NRXN3: variants seen among roughly 807,000 people sequenced by gnomAD.
NRXN3 encodes neurexin III.
Under a neutral mutation model 137.6 loss-of-function variants are expected in NRXN3, and 32 were observed. That is an observed-to-expected ratio of 0.23 (90% CI 0.18 to 0.31). The LOEUF (loss-of-function observed/expected upper bound fraction) is 0.31. Ranked by LOEUF, NRXN3 falls within the 10% of genes least tolerant of loss-of-function variation. The pLI, the probability that NRXN3 is intolerant of heterozygous loss-of-function variation, is 1.00. For missense variants in NRXN3, 1,574 were observed against 2,062.5 expected (o/e 0.76, Z 4.59); for synonymous variants, 798 against 784.5 (o/e 1.02, Z -0.29).
intron 20 of NRXN3, among the ~76,000 whole-genome samples, chr14:79,859,110 G>C (rs1212834577): frequency 2.0e-5 from 3 of 152,030 alleles, no homozygotes; most frequent in Non-Finnish European, 2.9e-5. Context: ...CTTAGGTTTA[G>C]AGCACATACT....
intron 15 of NRXN3, among the ~76,000 whole-genome samples, chr14:79,041,947 G>T (rs2099625713): frequency 2.0e-5 from 3 of 152,018 alleles, no homozygotes; most frequent in Non-Finnish European, 4.4e-5. Context: ...GAAGAATAGT[G>T]AACAACTAAA....
intron 15 of NRXN3, among the ~76,000 whole-genome samples, chr14:79,328,246 T>A (rs1288619741): frequency 6.6e-6 from 1 of 152,168 alleles, no homozygotes; most frequent in Non-Finnish European, 1.5e-5. Context: ...TCAAATGAAA[T>A]ACACAAATTT....
intron 15 of NRXN3, among the ~76,000 whole-genome samples, chr14:79,120,871 G>A (rs2055293780): frequency 6.6e-6 from 1 of 152,144 alleles, no homozygotes; most frequent in South Asian, 2.1e-4. Flanking sequence ...ACAAGTAGGA[G>A]ATATTTTGCT....
intron 10 of NRXN3, among the ~76,000 whole-genome samples, chr14:78,824,595 T>C (rs375650118): frequency 8.6e-4 from 131 of 152,276 alleles, no homozygotes; most frequent in African/African-American, 3.0e-3. Flanking sequence ...GACAGAAATC[T>C]CAGCAGATCA....
intron 8 of NRXN3, among the ~76,000 whole-genome samples, chr14:78,721,958 G>A (rs2098462242): frequency 6.6e-6 from 1 of 150,776 alleles, no homozygotes. Context: ...TTAACTTCCG[G>A]TTCTGCAAGT....
At chr14:78,460,172 G>C (rs1422857794) in intron 4 of NRXN3, among the ~76,000 whole-genome samples, 2 of 152,192 alleles carry the variant, frequency 1.3e-5, no homozygotes, top group African/African-American at 4.8e-5. Flanking sequence ...GAGGGGTTTG[G>C]CGCTTCCATG....
At position 78,201,014 on chromosome 14, in the gene NRXN3, G is replaced by T. The variant is rs182853516; in HGVS notation, c.-704+30340G>T. Among the ~76,000 whole-genome samples the T allele has an allele frequency of 3.0e-3, 452 of 152,280 alleles. 5 individuals carry two copies. Among genetic ancestry groups the T allele is most frequent in the African/African-American group, 0.01 (428 of 41,544 alleles). On this transcript the variant is annotated intron_variant, in intron 1 of 20. Transcript: ENST00000335750. ...GAGGCTGGATTTGGAGCTCTTGAAG[G>T]TCCCTCCTCGGGGTGACACTCCATG...
chr14:79,640,384 T>G (rs2098426391), intron 16 of NRXN3, among the ~76,000 whole-genome samples: 1 of 135,764 alleles, frequency 7.4e-6, no homozygotes, highest in African/African-American at 2.5e-5. Flanking sequence ...AGATAAGGTT[T>G]TTGCTCAAAC....
At chr14:78,621,939 A>G (rs1232766109) in intron 4 of NRXN3, among the ~76,000 whole-genome samples, 2 of 152,184 alleles carry the variant, frequency 1.3e-5, no homozygotes, top group Non-Finnish European at 2.9e-5. Flanking sequence ...ATTAGTACCT[A>G]TTAGTACCTT....
At chr14:78,916,896 G>T (rs368631121) in intron 10 of NRXN3, among the ~76,000 whole-genome samples, 11 of 152,164 alleles carry the variant, frequency 7.2e-5, no homozygotes, top group South Asian at 2.1e-4. Flanking sequence ...CTTTTAGATG[G>T]CTGTCTTCTC....
At chr14:79,135,218 C>T (rs1290623835) in intron 15 of NRXN3, among the ~76,000 whole-genome samples, 1 of 152,058 alleles carries the variant, frequency 6.6e-6, no homozygotes, top group Non-Finnish European at 1.5e-5. Context: ...GTGTGTGTAA[C>T]CTCACAAACA....
At chr14:79,087,768 C>G (rs542626486) in intron 15 of NRXN3, among the ~76,000 whole-genome samples, 1 of 152,142 alleles carries the variant, frequency 6.6e-6, no homozygotes, top group Non-Finnish European at 1.5e-5. Context: ...AAGAAGCATA[C>G]GCACAACTCT....
At chr14:78,880,823 T>C (rs904048169) in intron 10 of NRXN3, among the ~76,000 whole-genome samples, 3 of 152,186 alleles carry the variant, frequency 2.0e-5, no homozygotes, top group Non-Finnish European at 2.9e-5. Context: ...CAAGAACCTT[T>C]ACAGGCATTA....
intron 15 of NRXN3, among the ~76,000 whole-genome samples, chr14:79,420,279 A>G (rs908722661): frequency 6.6e-6 from 1 of 152,198 alleles, no homozygotes; most frequent in South Asian, 2.1e-4. Context: ...ATTTCCAAGA[A>G]CATGTAAAAT....
chr14:78,838,618 A>T (rs1016528837), intron 10 of NRXN3, among the ~76,000 whole-genome samples: 1 of 152,204 alleles, frequency 6.6e-6, no homozygotes, highest in African/African-American at 2.4e-5. Flanking sequence ...CTAAATTTTC[A>T]TAAATGCCTT....
chr14:78,553,335 GAT>G (rs1333410860), intron 4 of NRXN3, among the ~76,000 whole-genome samples: 1 of 152,154 alleles, frequency 6.6e-6, no homozygotes, highest in African/African-American at 2.4e-5. Flanking sequence ...ATGCAGTCCT[GAT>G]TGTCTGGGCT....
At chr14:79,689,328 C>A (rs184518840) in intron 17 of NRXN3, among the ~76,000 whole-genome samples, 3 of 152,010 alleles carry the variant, frequency 2.0e-5, no homozygotes, top group Admixed American at 6.6e-5. Context: ...AGGTTGTTTG[C>A]GCTTCAGTCA....
At chr14:78,732,957 A>G (rs2098523511) in intron 8 of NRXN3, among the ~76,000 whole-genome samples, 1 of 152,054 alleles carries the variant, frequency 6.6e-6, no homozygotes, top group African/African-American at 2.4e-5. Context: ...CAAGTCTGGG[A>G]TTCTTTTTCT....
chr14:79,090,965 A>G (rs1312429858), intron 15 of NRXN3, among the ~76,000 whole-genome samples: 1 of 152,074 alleles, frequency 6.6e-6, no homozygotes, highest in Non-Finnish European at 1.5e-5. Flanking sequence ...CACACAAACC[A>G]TGTGGCCAAG....
Sources: allele counts gnomAD v4.1 joint callset (sites outside exome capture counted in the v4.1 genomes callset), GRCh38; gene constraint gnomAD v4.1.1; transcripts MANE v1.5; gene names NCBI Gene and HGNC (gene_info 2026-07-23, HGNC 2026-07-21).